The following CXCL10 variants were observed in gnomAD, a reference collection of about 807,000 sequenced individuals.
The protein encoded by CXCL10 is C-X-C motif chemokine 10.
Under a neutral mutation model 10.8 loss-of-function variants are expected in CXCL10, and 6 were observed. The ratio of observed to expected loss-of-function variants is 0.55; its 90% CI spans 0.30 to 1.09. The LOEUF (loss-of-function observed/expected upper bound fraction) is 1.09. CXCL10 is among the 50% of genes least tolerant of loss of function. The pLI is 0.06. For synonymous variants in CXCL10, 35 were observed against 35.8 expected (o/e 0.98, Z 0.08); for missense variants, 114 against 114.3 (o/e 1.00, Z 0.01).
chr4:76,022,599 C>A, intron 2 of CXCL10, 92 bp downstream of exon 2: 1 of 1,456,654 alleles, frequency 6.9e-7, no homozygotes, highest in Non-Finnish European at 9.2e-7. Flanking sequence ...TCATCACAAA[C>A]CCTTTACTGA....
chr4:76,023,421 G>T lies in CXCL10; in HGVS notation c.11C>A (p.Thr4Asn). Residue 4 changes from threonine (T) to asparagine (N), a missense_variant, in exon 1 of 4, where the codon ACT becomes AAT. By Grantham distance (65) the Thr-to-Asn change is moderately conservative. Transcript: ENST00000306602. ...GATAAGGCAGCAAATCAGAATGGCAGTTTGATTCATGGTGCTGAGACTGGA... is the reference window on the plus strand; with the variant it reads ...GATAAGGCAGCAAATCAGAATGGCATTTTGATTCATGGTGCTGAGACTGGA... MNQ[T>N]AILICCLIFL... 6.2e-7 allele frequency: 1 copy of T among 1,613,888 alleles called. No individual in the cohort carries two copies.
rs1732949455 is a variant in CXCL10 at position 76,022,514 on chromosome 4, G to A, written c.189-59C>T. 1.3e-6 allele frequency: 2 copies of A among 1,535,658 alleles called. 1 individual carries two copies. The highest frequency in any genetic ancestry group is 3.4e-5 in the Admixed American group (2 of 59,382). ...ACTGTGTTGGGTCAATAAAACAGAT[G>A]GCATACGCAGTTCTGAAGTCAGACA... On this transcript the variant is annotated intron_variant, in intron 2 of 3. Transcript: ENST00000306602.
In CXCL10 at chr4:76,022,580, G is replaced by A. The variant is rs1319554126; in HGVS notation, c.188+111C>T. 79 of 1,482,732 alleles carry A rather than the reference G, an allele frequency of 5.3e-5. 1 individual carries two copies. In the East Asian group the frequency reaches 1.8e-3, roughly 33 times the overall value. 91.8% of individuals were successfully genotyped at this position (1,482,732 alleles called of 1,614,324 possible). A position where few individuals can be genotyped will look rare whatever the true frequency, so the allele number is the denominator to read the frequency against. On this transcript the variant is annotated intron_variant, in intron 2 of 3. Transcript: ENST00000306602. The stretch of plus-strand genomic sequence containing the variant: ...GCATGTTTTTGTTTGCTGTACATTA[G>A]TTTTAGAATCATCACAAACCCTTTA...
Position 76,023,494 on chromosome 4 carries a change from T to C in CXCL10, c.-63A>G. 1.4e-6 allele frequency: 2 copies of C among 1,474,662 alleles called. No homozygotes were observed. The highest frequency in any genetic ancestry group is 1.7e-5 in the Admixed American group (1 of 59,768). The allele number at this position is 1,474,662 out of a possible 1,614,324, so 91.3% of individuals were successfully genotyped here. A position where few individuals can be genotyped will look rare whatever the true frequency, so the allele number is the denominator to read the frequency against. The stretch of plus-strand genomic sequence containing the variant: ...AATATGTCTAAGCAATTGAGGAATG[T>C]CTCAGAAAACGTGGGGCTAGTGTGC... On this transcript the variant is annotated 5_prime_UTR_variant, in exon 1 of 4. Coordinates refer to ENST00000306602, the MANE Select transcript of CXCL10 (RefSeq NM_001565.4).
In CXCL10 at chr4:76,021,909, C is replaced by G; in HGVS notation, c.*21G>C. On this transcript the variant is annotated 3_prime_UTR_variant, in exon 4 of 4. Transcript: ENST00000306602. ...TGGTCCATCCTTGGAAGCACTGCATCGATTTTGCTCCCCTCTGGTTTTAAG... is the reference window on the plus strand; with the variant it reads ...TGGTCCATCCTTGGAAGCACTGCATGGATTTTGCTCCCCTCTGGTTTTAAG... The G allele has an allele frequency of 6.2e-7, 1 of 1,609,026 alleles. No homozygotes were observed. The highest frequency in any genetic ancestry group is 8.5e-7 in the Non-Finnish European group (1 of 1,175,414).
chr4:76,023,076 A>C (rs1317831806), intron 1 of CXCL10, among the ~76,000 whole-genome samples: 2 of 152,174 alleles, frequency 1.3e-5, no homozygotes, highest in African/African-American at 4.8e-5. Flanking sequence ...TAGTTAGGTA[A>C]GGAAGTATCT....
At chr4:76,022,845 G>T (rs778941036) in intron 1 of CXCL10, 28 bp from the exon 2 acceptor site, 15 of 1,592,094 alleles carry the variant, frequency 9.4e-6, no homozygotes, top group Middle Eastern at 1.7e-4. Flanking sequence ...CAGCAGAGAA[G>T]GTTAGCACAG....
chr4:76,021,652 G>C lies in CXCL10; in HGVS notation c.*278C>G, dbSNP rs1411192616. 1.8e-5 allele frequency: 7 copies of C among 394,900 alleles called. No homozygotes were observed. Among genetic ancestry groups the C allele is most frequent in the African/African-American group, 1.4e-4 (7 of 48,660 alleles). 24.5% of individuals were successfully genotyped at this position (394,900 alleles called of 1,614,324 possible). On this transcript the variant is annotated 3_prime_UTR_variant, in exon 4 of 4. Coordinates refer to ENST00000306602, the MANE Select transcript of CXCL10 (RefSeq NM_001565.4). ...AAAGGTGAGGGAAATATTTGAAGCA[G>C]GGTCAGAACATCCACTAAGAACATA... is the stretch of plus-strand genomic sequence containing the variant.
chr4:76,022,515 G>T (rs1732949815), intron 2 of CXCL10, 60 bp from the exon 3 acceptor site: 1 of 1,534,570 alleles, frequency 6.5e-7, no homozygotes, highest in Non-Finnish European at 9.0e-7. Flanking sequence ...AAAACAGATG[G>T]CATACGCAGT....
At chr4:76,022,669 A>G in intron 2 of CXCL10, 22 bp downstream of exon 2, 1 of 1,611,794 alleles carries the variant, frequency 6.2e-7, no homozygotes, top group Non-Finnish European at 8.5e-7. Flanking sequence ...GGGAAGTGAT[A>G]ATCAGATGGG....
intron 1 of CXCL10, 77 bp downstream of exon 1, chr4:76,023,294 T>C: frequency 8.8e-7 from 1 of 1,131,714 alleles, no homozygotes. Context: ...TACAAATACA[T>C]TATTTCTGTA....
intron 2 of CXCL10, 79 bp downstream of exon 2, chr4:76,022,612 T>A (rs1471514334): frequency 9.0e-5 from 28 of 309,484 alleles, no homozygotes; most frequent in Middle Eastern, 1.2e-3. Flanking sequence ...TTTACTGATC[T>A]TTTTTTATTA....
rs1732971889 is a variant in CXCL10 at position 76,022,678 on chromosome 4, G to A, written c.188+13C>T. On this transcript the variant is annotated intron_variant, in intron 2 of 3. Coordinates refer to ENST00000306602, the MANE Select transcript of CXCL10 (RefSeq NM_001565.4). The stretch of plus-strand genomic sequence containing the variant: ...CAACCAGGGAAGTGATAATCAGATG[G>A]GATTTCACTCACATGATCTCAACAC... The A allele has an allele frequency of 6.2e-7, 1 of 1,612,692 alleles. No homozygotes were observed. Among genetic ancestry groups the A allele is most frequent in the African/African-American group, 1.3e-5 (1 of 74,860 alleles).
intron 3 of CXCL10, among the ~76,000 whole-genome samples, 160 bp downstream of exon 3, chr4:76,022,206 A>G (rs545676162): frequency 7.3e-4 from 111 of 152,292 alleles, no homozygotes; most frequent in Non-Finnish European, 1.3e-3. Context: ...ATCACACAAG[A>G]TGGTGCCTCA....
chr4:76,022,370 C>T lies in CXCL10; in HGVS notation c.274G>A (p.Glu92Lys), dbSNP rs763347756. The change falls in exon 3 of 4, where the codon GAA becomes AAA. Residue 92 changes from glutamate to lysine, a missense_variant. Coordinates refer to ENST00000306602, the MANE Select transcript of CXCL10 (RefSeq NM_001565.4). ...TGCAGGCAACAGCAAACCTACCTTT[C>T]CTTGCTAACTGCTTTCAGTAAATTC... ...IKNLLKAVSK[E>K]RSKRSP 8 of 1,612,998 alleles carry T rather than the reference C, an allele frequency of 5.0e-6. No homozygotes were observed. In the Admixed American group the frequency reaches 8.3e-5, roughly 17 times the overall value.
In CXCL10 at chr4:76,022,053, T is replaced by G. The variant is rs1732879567; in HGVS notation, c.279-105A>C. The G allele has an allele frequency of 2.8e-6, 3 of 1,089,672 alleles. No individual in the cohort carries two copies. The South Asian group carries it at 3.8e-5, about 14-fold the overall frequency. The allele number at this position is 1,089,672 out of a possible 1,614,324, so 67.5% of individuals were successfully genotyped here. A position where few individuals can be genotyped will look rare whatever the true frequency, so the allele number is the denominator to read the frequency against. On this transcript the variant is annotated intron_variant, in intron 3 of 3. Transcript: ENST00000306602. ...GTTCATAGAATAGATAACTGAGCTT[T>G]CCTGCTGCTATGCATTCATTATGGA...
chr4:76,022,636 A>C, intron 2 of CXCL10, 55 bp downstream of exon 2: 1 of 1,558,964 alleles, frequency 6.4e-7, no homozygotes, highest in Non-Finnish European at 8.8e-7. Context: ...TTACATATTT[A>C]ATACAGTATA....
rs1732848073 is a variant in CXCL10, at chr4:76,021,848, C to T, written c.*82G>A. On this transcript the variant is annotated 3_prime_UTR_variant, in exon 4 of 4. Transcript: ENST00000306602. ...GAACAATTATGGCTTGACATATACT[C>T]CATGTAGGGAAGTGATGGGAGAGGC... The T allele has an allele frequency of 7.7e-7, 1 of 1,294,884 alleles. No individual in the cohort carries two copies. The highest frequency in any genetic ancestry group is 1.5e-5 in the African/African-American group (1 of 68,102). 80.2% of individuals were successfully genotyped at this position (1,294,884 alleles called of 1,614,324 possible).
rs767097929 is a variant in CXCL10, at chr4:76,022,400, T to C, written c.244A>G (p.Ile82Val). 42 of 1,613,620 alleles carry C rather than the reference T, an allele frequency of 2.6e-5. No individual in the cohort carries two copies. The African/African-American group carries it at 2.8e-4, about 11-fold the overall frequency. ...CTAACTGCTTTCAGTAAATTCTTGA[T>C]GGCCTTCGATTCTGGATTCAGACAT... ...KRCLNPESKA[I>V]KNLLKAVSKE... Residue 82 changes from isoleucine (I) to valine (V), a missense_variant, in exon 3 of 4, where the codon ATC becomes GTC. Coordinates refer to ENST00000306602, the MANE Select transcript of CXCL10 (RefSeq NM_001565.4).
Sources: gnomAD v4.1 joint callset for allele counts (sites outside exome capture counted in the v4.1 genomes callset) on GRCh38, gnomAD v4.1.1 for gene constraint, MANE v1.5 for transcripts, NCBI Gene and HGNC (gene_info 2026-07-23, HGNC 2026-07-21) for gene names.